DCDC2B: variants seen among roughly 807,000 people sequenced by gnomAD.
DCDC2B encodes doublecortin domain-containing protein 2B.
A neutral mutation model predicts 38.9 loss-of-function variants in DCDC2B; 41 were observed. That is an observed-to-expected ratio of 1.05 (90% CI 0.82 to 1.37). The LOEUF (loss-of-function observed/expected upper bound fraction) is 1.37. Among genes scored for constraint, DCDC2B ranks in the 40% most tolerant of loss-of-function variants. The pLI, the probability that DCDC2B is intolerant of heterozygous loss-of-function variation, is 0.00. For synonymous variants in DCDC2B, 181 were observed against 171.9 expected (o/e 1.05, Z -0.41); for missense variants, 453 against 427.2 (o/e 1.06, Z -0.53).
At chr1:32,212,729 C>T in intron 5 of DCDC2B, 25 bp from the exon 6 acceptor site, 2 of 1,613,854 alleles carry the variant, frequency 1.2e-6, no homozygotes, top group Non-Finnish European at 1.7e-6. Context: ...CTGCCCACTA[C>T]AAGCCTTTCC....
intron 3 of DCDC2B, 104 bp from the exon 4 acceptor site, chr1:32,211,966 T>G: frequency 6.5e-7 from 1 of 1,539,056 alleles, no homozygotes; most frequent in Non-Finnish European, 8.8e-7. Flanking sequence ...GCTTGATGGG[T>G]GAAGAGAGAC....
At chr1:32,210,683 G>C (rs901263164) in intron 1 of DCDC2B, among the ~76,000 whole-genome samples, 1 of 151,852 alleles carries the variant, frequency 6.6e-6, no homozygotes, top group Non-Finnish European at 1.5e-5. Context: ...ACAGCAGGAT[G>C]CATAATGCAC....
intron 1 of DCDC2B, among the ~76,000 whole-genome samples, chr1:32,209,870 G>A (rs1466860514): frequency 6.6e-6 from 1 of 152,296 alleles, no homozygotes; most frequent in African/African-American, 2.4e-5. Context: ...GCTCTCAGCT[G>A]AGGTTGCTTA....
Position 32,213,634 on chromosome 1 carries a change from G to A in DCDC2B, c.714+841G>A, listed in dbSNP as rs375869034. 3.6e-4 allele frequency among the ~76,000 whole-genome samples: 54 copies of A among 149,698 alleles called. No individual in the cohort carries two copies. The South Asian group carries it at 9.6e-3, about 27-fold the overall frequency. ...TGCCATTCTCCTGCCTCAGCCTCCCGAGCAGCTGGGACTACAGGCACCCAC... is the reference window on the plus strand; with the variant it reads ...TGCCATTCTCCTGCCTCAGCCTCCCAAGCAGCTGGGACTACAGGCACCCAC... On this transcript the variant is annotated intron_variant, in intron 6 of 8. Coordinates refer to ENST00000409358, the MANE Select transcript of DCDC2B (RefSeq NM_001099434.2).
chr1:32,215,567 G>A (rs1461453212), intron 8 of DCDC2B, 24 bp downstream of exon 8: 2 of 1,605,400 alleles, frequency 1.2e-6, no homozygotes. Flanking sequence ...TCAGGAAACA[G>A]TATGTTGGGG....
intron 1 of DCDC2B, 74 bp from the exon 2 acceptor site, chr1:32,211,198 C>T: frequency 1.4e-6 from 2 of 1,405,716 alleles, no homozygotes; most frequent in Non-Finnish European, 2.0e-6. Flanking sequence ...GCGCCCCAAC[C>T]CAACACTGAC....
intron 7 of DCDC2B, 86 bp from the exon 8 acceptor site, chr1:32,215,354 G>A (rs1428588332): frequency 2.6e-6 from 3 of 1,156,732 alleles, no homozygotes; most frequent in Non-Finnish European, 2.4e-6. Context: ...TTCAGGGGAG[G>A]GAAAGGGGCT....
chr1:32,210,960 C>T (rs572273713), intron 1 of DCDC2B, among the ~76,000 whole-genome samples: 2 of 152,316 alleles, frequency 1.3e-5, no homozygotes, highest in African/African-American at 4.8e-5. Flanking sequence ...CCTGCCTCAG[C>T]CTCCCAAAGA....
In DCDC2B at chr1:32,209,990, C is replaced by T. The variant is rs113726029; in HGVS notation, c.266+631C>T. 3.2e-3 allele frequency among the ~76,000 whole-genome samples: 492 copies of T among 152,164 alleles called. 6 individuals carry two copies. Among genetic ancestry groups the T allele is most frequent in the African/African-American group, 0.011 (465 of 41,504 alleles). ...GGTGGATCACCTGAGGTCAGGTGTT[C>T]GAGACCAGCCTGGCCAACATGGCGA... On this transcript the variant is annotated intron_variant, in intron 1 of 8. Coordinates refer to ENST00000409358, the MANE Select transcript of DCDC2B (RefSeq NM_001099434.2).
chr1:32,213,336 AT>A lies in DCDC2B; in HGVS notation c.714+560del, dbSNP rs923909070. Among the ~76,000 whole-genome samples, 997 of 138,332 alleles carry A rather than the reference AT, an allele frequency of 7.2e-3. 4 individuals carry two copies. The highest frequency in any genetic ancestry group is 0.04 in the Middle Eastern group (10 of 250). 90.8% of individuals were successfully genotyped at this position (138,332 alleles called of 152,430 possible). Reference sequence around the variant, plus strand: ...ATGCCCAGCCTGCATCCTCTTAATAATTTTTTTTTTTTTTTTTGAGACGGAG... The same window carrying A: ...ATGCCCAGCCTGCATCCTCTTAATAATTTTTTTTTTTTTTTTGAGACGGAG... On this transcript the variant is annotated intron_variant, in intron 6 of 8. Coordinates refer to ENST00000409358, the MANE Select transcript of DCDC2B (RefSeq NM_001099434.2).
At chr1:32,212,990 C>T (rs950497098) in intron 6 of DCDC2B, among the ~76,000 whole-genome samples, 197 bp downstream of exon 6, 1 of 151,676 alleles carries the variant, frequency 6.6e-6, no homozygotes, top group African/African-American at 2.4e-5. Flanking sequence ...TCCCAGGTCC[C>T]GGTTCAAGCA....
intron 1 of DCDC2B, among the ~76,000 whole-genome samples, 179 bp downstream of exon 1, chr1:32,209,538 T>TAA (rs373699227): frequency 6.6e-6 from 1 of 152,156 alleles, no homozygotes; most frequent in Admixed American, 6.5e-5. Context: ...TAAAAGTACA[T>TAA]AACAAATAGT....
chr1:32,210,506 A>G (rs1643540834), intron 1 of DCDC2B, among the ~76,000 whole-genome samples: 1 of 151,800 alleles, frequency 6.6e-6, no homozygotes, highest in Non-Finnish European at 1.5e-5. Context: ...TCAAAAAGAA[A>G]AAAAAAGAGA....
rs1324237448 is a variant in DCDC2B, at chr1:32,211,207, A to T, written c.267-65A>T. The T allele has an allele frequency of 1.6e-5, 23 of 1,471,738 alleles. 1 individual carries two copies. In the Admixed American group the frequency reaches 3.9e-4, roughly 25 times the overall value. 91.2% of individuals were successfully genotyped at this position (1,471,738 alleles called of 1,614,324 possible). On this transcript the variant is annotated intron_variant, in intron 1 of 8. Coordinates refer to ENST00000409358, the MANE Select transcript of DCDC2B (RefSeq NM_001099434.2). The stretch of plus-strand genomic sequence containing the variant: ...TGAGCTGCGCCCCAACCCAACACTG[A>T]CATCTGCCAGGCTATTGAGGCCTCA...
chr1:32,214,446 A>G (rs1166694374), intron 6 of DCDC2B: 1 of 225,678 alleles, frequency 4.4e-6, no homozygotes, highest in Non-Finnish European at 8.7e-6. Flanking sequence ...GGACGCTGGG[A>G]GAGAGAATTG....
chr1:32,209,478 G>A, intron 1 of DCDC2B, 119 bp downstream of exon 1: 1 of 1,446,776 alleles, frequency 6.9e-7, no homozygotes, highest in Non-Finnish European at 9.3e-7. Flanking sequence ...TCTATGTAGG[G>A]GGGGTGGTTT....
At chr1:32,214,209 G>A (rs1437311358) in intron 6 of DCDC2B, among the ~76,000 whole-genome samples, 2 of 150,992 alleles carry the variant, frequency 1.3e-5, no homozygotes, top group African/African-American at 4.9e-5. Context: ...CTACTTGGGA[G>A]GCTGAGGCAG....
In DCDC2B at chr1:32,216,065, C is replaced by T; in HGVS notation, c.*168C>T. On this transcript the variant is annotated 3_prime_UTR_variant, in exon 9 of 9. Transcript: ENST00000409358. The stretch of plus-strand genomic sequence containing the variant: ...CCTGCTCCTAAACCCACAGCCCAGC[C>T]TTCCCTTCCTCTGAGCAGAGCAGCC... 3 of 719,700 alleles carry T rather than the reference C, an allele frequency of 4.2e-6. No individual in the cohort carries two copies. The highest frequency in any genetic ancestry group is 3.8e-4 in the Middle Eastern group (1 of 2,630). The allele number at this position is 719,700 out of a possible 1,614,324, so 44.6% of individuals were successfully genotyped here.
rs895126941 is a variant in DCDC2B at position 32,212,772 on chromosome 1, G to A, written c.693G>A (p.Lys231=). 6.2e-7 allele frequency: 1 copy of A among 1,613,950 alleles called. No homozygotes were observed. The highest frequency in any genetic ancestry group is 1.7e-5 in the Admixed American group (1 of 60,028). Residue 231 remains lysine, a synonymous_variant, in exon 6 of 9, where the codon AAG becomes AAA. Transcript: ENST00000409358. ...ATTGTAGGCAACCTCCAGGCTCGAA[G>A]TCTAGGCCCCACAGGCAGGGGGTAG... The part of the protein sequence containing the change: ...PRGCWQPPGS[K]SRPHRQGAQG...
Sources: allele counts gnomAD v4.1 joint callset (sites outside exome capture counted in the v4.1 genomes callset), GRCh38; gene constraint gnomAD v4.1.1; transcripts MANE v1.5; gene names NCBI Gene and HGNC (gene_info 2026-07-23, HGNC 2026-07-21).